The following PDZRN4 variants were observed in gnomAD, a reference collection of about 807,000 sequenced individuals.
PDZRN4 encodes PDZ domain-containing RING finger protein 4.
Under a neutral mutation model 99.0 loss-of-function variants are expected in PDZRN4, and 70 were observed. The observed-to-expected ratio is 0.71, with a 90% confidence interval of 0.58 to 0.86. The LOEUF is 0.86. PDZRN4 is among the 40% of genes least tolerant of loss of function. PDZRN4 has a pLI of 0.00. For missense variants in PDZRN4, 1,474 were observed against 1,331.2 expected (o/e 1.11, Z -1.67); for synonymous variants, 551 against 501.6 (o/e 1.10, Z -1.32).
chr12:41,273,286 A>T (rs555720108), intron 3 of PDZRN4, among the ~76,000 whole-genome samples: 68 of 152,216 alleles, frequency 4.5e-4, no homozygotes, highest in Non-Finnish European at 6.2e-4. Context: ...ATCCAGTTTC[A>T]TAAGTACAGT....
At chr12:41,320,853 A>G (rs573123587) in intron 3 of PDZRN4, among the ~76,000 whole-genome samples, 4 of 152,314 alleles carry the variant, frequency 2.6e-5, no homozygotes, top group Admixed American at 2.0e-4. Context: ...AAAAATTTCA[A>G]GAAGAAATCA....
At chr12:41,420,034 C>T (rs939030696) in intron 3 of PDZRN4, among the ~76,000 whole-genome samples, 2 of 152,080 alleles carry the variant, frequency 1.3e-5, no homozygotes, top group African/African-American at 4.8e-5. Context: ...TTATTGAGTA[C>T]TTGATTTATT....
chr12:41,343,946 G>A (rs1450102231), intron 3 of PDZRN4, among the ~76,000 whole-genome samples: 2 of 151,902 alleles, frequency 1.3e-5, no homozygotes, highest in Non-Finnish European at 2.9e-5. Flanking sequence ...CAGTCTTATG[G>A]TATATTAATC....
At chr12:41,453,886 G>A (rs961784023) in intron 3 of PDZRN4, among the ~76,000 whole-genome samples, 1 of 69,136 alleles carries the variant, frequency 1.4e-5, no homozygotes, top group Non-Finnish European at 3.0e-5. Context: ...GTTTATAAGG[G>A]TGCGTTTTTC....
intron 3 of PDZRN4, among the ~76,000 whole-genome samples, chr12:41,490,911 A>G (rs1210660552): frequency 6.6e-6 from 1 of 152,150 alleles, no homozygotes; most frequent in Non-Finnish European, 1.5e-5. Context: ...TACATAACTC[A>G]GATTCATATC....
intron 3 of PDZRN4, among the ~76,000 whole-genome samples, chr12:41,458,138 G>C (rs542405367): frequency 1.3e-4 from 20 of 152,288 alleles, no homozygotes; most frequent in African/African-American, 4.8e-4. Context: ...GAAGGTGTTA[G>C]TCTGAGGAGA....
chr12:41,556,900 A>G (rs776801258), intron 7 of PDZRN4, among the ~76,000 whole-genome samples: 4 of 151,926 alleles, frequency 2.6e-5, no homozygotes, highest in East Asian at 3.9e-4. Context: ...CTGTAATCCC[A>G]GCACTTTGGA....
At chr12:41,201,374 T>C (rs1174005347) in intron 3 of PDZRN4, among the ~76,000 whole-genome samples, 1 of 152,058 alleles carries the variant, frequency 6.6e-6, no homozygotes, top group African/African-American at 2.4e-5. Context: ...TTCTTCTCCA[T>C]TGTCAATAGA....
chr12:41,188,610 G>A lies in PDZRN4; in HGVS notation c.155G>A (p.Cys52Tyr). The change falls in exon 1 of 10, where the codon TGC (cysteine) becomes TAC (tyrosine). Residue 52 changes from cysteine to tyrosine, a missense_variant. Coordinates refer to ENST00000402685, the MANE Select transcript of PDZRN4 (RefSeq NM_001164595.2). ...LLPWAVRRRR[C>Y]PLQCQPLAPG... ...CCCTGGGCGGTGCGGAGGCGCCGGT[G>A]CCCGCTGCAGTGCCAGCCCTTGGCG... The A allele has an allele frequency of 6.5e-7, 1 of 1,539,190 alleles. No homozygotes were observed. The highest frequency in any genetic ancestry group is 1.8e-4 in the Middle Eastern group (1 of 5,406).
intron 3 of PDZRN4, among the ~76,000 whole-genome samples, chr12:41,432,201 C>A (rs1273305394): frequency 6.6e-6 from 1 of 152,164 alleles, no homozygotes; most frequent in African/African-American, 2.4e-5. Context: ...CACATAAATA[C>A]ACAACTGACA....
chr12:41,188,505 A>T lies in PDZRN4; in HGVS notation c.50A>T (p.Glu17Val). 3.8e-6 allele frequency: 6 copies of T among 1,590,960 alleles called. No individual in the cohort carries two copies. Among genetic ancestry groups the T allele is most frequent in the Non-Finnish European group, 5.1e-6 (6 of 1,176,510 alleles). ...RFAEAVDPAL[E>V]CKLCGQVLEE... is the part of the protein sequence containing the mutation. ...GCAGAAGCCGTGGACCCGGCTCTGG[A>T]GTGCAAACTGTGCGGCCAGGTGCTT... Residue 17 changes from glutamate (E) to valine (V), a missense_variant, in exon 1 of 10, where the codon GAG (glutamate) becomes GTG (valine). Glu to Val is a moderately radical substitution (Grantham distance 121). Coordinates refer to ENST00000402685, the MANE Select transcript of PDZRN4 (RefSeq NM_001164595.2).
chr12:41,545,509 ATGTGTGTGTG>A (rs61040270), intron 5 of PDZRN4, among the ~76,000 whole-genome samples: 15,723 of 143,028 alleles, frequency 0.11, 961 homozygotes, highest in African/African-American at 0.17. Context: ...GATGATATTA[ATGTGTGTGTG>A]TGTGTGTGTG....
At chr12:41,571,176 A>C (rs1939465026) in intron 9 of PDZRN4, among the ~76,000 whole-genome samples, 2 of 152,134 alleles carry the variant, frequency 1.3e-5, no homozygotes, top group Admixed American at 6.6e-5. Flanking sequence ...AAACTTAGGC[A>C]TAAGGCAGAT....
At chr12:41,443,648 A>G (rs17577127) in intron 3 of PDZRN4, among the ~76,000 whole-genome samples, 25,976 of 152,114 alleles carry the variant, frequency 0.17, 2,330 homozygotes, top group South Asian at 0.27. Flanking sequence ...AGGCTGCTGA[A>G]AAGCCTAAGT....
chr12:41,552,687 A>G lies in PDZRN4; in HGVS notation c.1235A>G (p.Glu412Gly), dbSNP rs1432349808. The change falls in exon 6 of 10, where the codon GAG becomes GGG. Residue 412 changes from glutamate to glycine, a missense_variant. Physicochemically the swap from Glu to Gly is moderately conservative, Grantham distance 98. Coordinates refer to ENST00000402685, the MANE Select transcript of PDZRN4 (RefSeq NM_001164595.2). Reference sequence around the variant, plus strand: ...GAGTTGTGTCGTGTTAGCAGTCAAGAGAAGCTGGGCCTGACAGTCTGTTAC... The same window carrying G: ...GAGTTGTGTCGTGTTAGCAGTCAAGGGAAGCTGGGCCTGACAGTCTGTTAC... ...EVELCRVSSQ[E>G]KLGLTVCYRT... is the part of the protein sequence containing the mutation. The G allele has an allele frequency of 6.2e-7, 1 of 1,613,836 alleles. No individual in the cohort carries two copies. Among genetic ancestry groups the G allele is most frequent in the Non-Finnish European group, 8.5e-7 (1 of 1,179,782 alleles).
chr12:41,244,798 C>T (rs999721940), intron 3 of PDZRN4, among the ~76,000 whole-genome samples: 4 of 149,828 alleles, frequency 2.7e-5, no homozygotes, highest in Non-Finnish European at 5.9e-5. Context: ...CATTCTCCTG[C>T]CTCAGCCTCC....
At chr12:41,428,387 C>T (rs1952556041) in intron 3 of PDZRN4, among the ~76,000 whole-genome samples, 1 of 152,130 alleles carries the variant, frequency 6.6e-6, no homozygotes, top group Admixed American at 6.6e-5. Flanking sequence ...ATGTTTGCTC[C>T]ATGAGATCTG....
At chr12:41,210,757 AT>A (rs1771560450) in intron 3 of PDZRN4, among the ~76,000 whole-genome samples, 1 of 152,004 alleles carries the variant, frequency 6.6e-6, no homozygotes, top group Admixed American at 6.6e-5. Flanking sequence ...GTGGTTTTCC[AT>A]ATTTTTTGTG....
chr12:41,283,088 T>C lies in PDZRN4; in HGVS notation c.843+88900T>C, dbSNP rs1050556052. 1.5e-4 allele frequency among the ~76,000 whole-genome samples: 14 copies of C among 96,042 alleles called. No individual in the cohort carries two copies. The East Asian group carries it at 5.7e-3, about 39-fold the overall frequency. 63.0% of individuals were successfully genotyped at this position (96,042 alleles called of 152,430 possible). A position where few individuals can be genotyped will look rare whatever the true frequency, so the allele number is the denominator to read the frequency against. On this transcript the variant is annotated intron_variant, in intron 3 of 9. Coordinates refer to ENST00000402685, the MANE Select transcript of PDZRN4 (RefSeq NM_001164595.2). ...CAAAAAAATCAATGAATCCAGGGGC[T>C]GTTTTTTTTAAAAGATTAACAGAAT... is the stretch of plus-strand genomic sequence containing the variant.
Sources: gnomAD v4.1 joint callset for allele counts (sites outside exome capture counted in the v4.1 genomes callset) on GRCh38, gnomAD v4.1.1 for gene constraint, MANE v1.5 for transcripts, NCBI Gene and HGNC (gene_info 2026-07-23, HGNC 2026-07-21) for gene names.